Variants in EXPH5 observed in about 807,000 individuals in gnomAD.
The protein encoded by EXPH5 is exophilin-5.
In EXPH5, 42 loss-of-function variants were observed where a neutral mutation model predicts 41.1. That is an observed-to-expected ratio of 1.02 (90% CI 0.80 to 1.32). The LOEUF (loss-of-function observed/expected upper bound fraction) is 1.32. Among genes scored for constraint, EXPH5 ranks in the 40% most tolerant of loss-of-function variants. The pLI, the probability that EXPH5 is intolerant of heterozygous loss-of-function variation, is 0.00. For missense variants in EXPH5, 2,298 were observed against 2,314.5 expected (o/e 0.99, Z 0.15); for synonymous variants, 798 against 833.5 (o/e 0.96, Z 0.73).
chr11:108,553,558 T>G (rs995939339), intron 1 of EXPH5, among the ~76,000 whole-genome samples: 5 of 152,342 alleles, frequency 3.3e-5, no homozygotes, highest in Admixed American at 2.0e-4. Flanking sequence ...CCACTGTAAC[T>G]TCTGTATTTA....
At chr11:108,522,190 AT>A (rs548026475) in intron 4 of EXPH5, among the ~76,000 whole-genome samples, 5,302 of 145,644 alleles carry the variant, frequency 0.036, 256 homozygotes, top group African/African-American at 0.11. Flanking sequence ...GAGGTTAGTG[AT>A]TTTTTTTTTT....
intron 3 of EXPH5, among the ~76,000 whole-genome samples, chr11:108,536,029 C>T (rs1301044491): frequency 6.6e-6 from 1 of 152,136 alleles, no homozygotes; most frequent in Non-Finnish European, 1.5e-5. Context: ...GAACAAGATC[C>T]GTGCAAACAT....
the EXPH5 span, among the ~76,000 whole-genome samples, chr11:108,605,880 T>G: frequency 6.6e-6 from 1 of 152,272 alleles, no homozygotes; most frequent in Non-Finnish European, 1.5e-5. Context: ...CAGCAGCCTC[T>G]GCGCTGGCCT....
intron 1 of EXPH5, among the ~76,000 whole-genome samples, chr11:108,580,354 C>T (rs934242982): frequency 4.6e-5 from 7 of 151,408 alleles, no homozygotes; most frequent in Admixed American, 3.3e-4. Context: ...TATAATGAGG[C>T]ATCATCTCAG....
At chr11:108,584,235 G>T (rs1053089608) in intron 1 of EXPH5, among the ~76,000 whole-genome samples, 3 of 152,118 alleles carry the variant, frequency 2.0e-5, no homozygotes, top group South Asian at 2.1e-4. Flanking sequence ...CAGCACTTTG[G>T]GAGGCCAAGA....
Sources: gnomAD v4.1 joint callset for allele counts (sites outside exome capture counted in the v4.1 genomes callset) on GRCh38, gnomAD v4.1.1 for gene constraint, MANE v1.5 for transcripts, NCBI Gene and HGNC (gene_info 2026-07-23, HGNC 2026-07-21) for gene names.